RWDD2A: variants seen among roughly 807,000 people sequenced by gnomAD.
The protein encoded by RWDD2A is RWD domain containing 2A, also known as RWD domain-containing protein 2A.
RWDD2A carries 15 observed loss-of-function variants against 23.1 expected under a neutral mutation model. The ratio of observed to expected loss-of-function variants is 0.65; its 90% CI spans 0.43 to 1.00. The LOEUF is 1.00. Among genes scored for constraint, RWDD2A ranks in the 50% least tolerant of loss-of-function variants. The pLI is 0.00. For missense variants in RWDD2A, 310 were observed against 341.7 expected, an observed-to-expected ratio of 0.91 and a Z score of 0.73; for synonymous variants, 103 against 123.0, an observed-to-expected ratio of 0.84 and a Z score of 1.08.
Position 83,193,453 on chromosome 6 carries a change from C to T in RWDD2A, c.-141+10C>T, listed in dbSNP as rs1175529983. 1.3e-5 allele frequency: 2 copies of T among 152,278 alleles called. No individual in the cohort carries two copies. Among genetic ancestry groups the T allele is most frequent in the African/African-American group, 4.8e-5 (2 of 41,464 alleles). 9.4% of individuals were successfully genotyped at this position (152,278 alleles called of 1,614,324 possible). ...TGAGTGACCAGAAAGGGTGAGGCCCCCGCGGTGGCCCGGGGGTTGGGGCCG... is the reference window on the plus strand; with the variant it reads ...TGAGTGACCAGAAAGGGTGAGGCCCTCGCGGTGGCCCGGGGGTTGGGGCCG... On this transcript the variant is annotated intron_variant, in intron 1 of 2. Transcript: ENST00000369724.
intron 1 of RWDD2A, 27 bp from the exon 2 acceptor site, chr6:83,194,285 G>A (rs1789451390): frequency 9.8e-6 from 6 of 610,120 alleles, no homozygotes; most frequent in Non-Finnish European, 1.7e-5. Flanking sequence ...ATAAAGAAGA[G>A]TGCAAGTGTC....
At position 83,195,634 on chromosome 6, in the gene RWDD2A, C is replaced by T; in HGVS notation, c.241C>T (p.Pro81Ser). The change falls in exon 3 of 3, where the codon CCC (proline) becomes TCC (serine). Residue 81 changes from proline (P) to serine (S), a missense_variant. Pro to Ser is a moderately conservative substitution (Grantham distance 74). Transcript: ENST00000369724. Reference protein sequence around the residue: ...DLQVTMPHSYPYVALQLFGRS... With the variant: ...DLQVTMPHSYSYVALQLFGRS... ...GCAAGTGACCATGCCTCACAGCTAC[C>T]CCTATGTAGCATTGCAGCTGTTTGG... 6.2e-7 allele frequency: 1 copy of T among 1,613,952 alleles called. No homozygotes were observed. The highest frequency in any genetic ancestry group is 1.1e-5 in the South Asian group (1 of 91,068).
Position 83,196,204 on chromosome 6 carries a change from A to T in RWDD2A, c.811A>T (p.Lys271Ter). The change falls in exon 3 of 3, where the codon AAG becomes TAG. Residue 271 changes from lysine to a stop codon, truncating the protein, a stop_gained. Coordinates refer to ENST00000369724, the MANE Select transcript of RWDD2A (RefSeq NM_033411.5). LOFTEE classifies it high-confidence loss of function. ...TCTGGGCCAATTCTTAGAATTTCTC[A>T]AGAAGCACAAAAGTGAGCATGTTTT... ...MNLGQFLEFL[K>*]KHKSEHVFQI... is the part of the protein sequence containing the mutation. 1 of 1,605,846 alleles carries T rather than the reference A, an allele frequency of 6.2e-7. No individual in the cohort carries two copies. Among genetic ancestry groups the T allele is most frequent in the African/African-American group, 1.3e-5 (1 of 74,718 alleles).
rs914674885 is a variant in RWDD2A, at chr6:83,196,463, A to G, written c.*191A>G. 5 of 373,036 alleles carry G rather than the reference A, an allele frequency of 1.3e-5. No homozygotes were observed. Among genetic ancestry groups the G allele is most frequent in the South Asian group, 1.2e-4 (1 of 8,250 alleles). 23.1% of individuals were successfully genotyped at this position (373,036 alleles called of 1,614,324 possible). ...TAAACTTTATAACATTGCAATTGTG[A>G]TGTTATCTCTAGGTTTTTGTGTGAA... is the stretch of plus-strand genomic sequence containing the variant. On this transcript the variant is annotated 3_prime_UTR_variant, in exon 3 of 3. Transcript: ENST00000369724.
rs1372975536 is a variant in RWDD2A at position 83,196,940 on chromosome 6, C to A, written c.*668C>A. ...TAACCTCGTGATCTGCCTGCCTCGG[C>A]CTTCCAAAGTGCTGGGATTACAGGT... On this transcript the variant is annotated 3_prime_UTR_variant, in exon 3 of 3. Coordinates refer to ENST00000369724, the MANE Select transcript of RWDD2A (RefSeq NM_033411.5). 1 of 152,238 alleles carries A rather than the reference C, an allele frequency of 6.6e-6. No homozygotes were observed. Among genetic ancestry groups the A allele is most frequent in the African/African-American group, 2.4e-5 (1 of 41,442 alleles). The allele number at this position is 152,238 out of a possible 1,614,324, so 9.4% of individuals were successfully genotyped here.
Position 83,195,884 on chromosome 6 carries a change from A to G in RWDD2A, c.491A>G (p.His164Arg), listed in dbSNP as rs780750434. 1.2e-6 allele frequency: 2 copies of G among 1,614,208 alleles called. No individual in the cohort carries two copies. Among genetic ancestry groups the G allele is most frequent in the Admixed American group, 3.3e-5 (2 of 60,028 alleles). Residue 164 changes from histidine to arginine, a missense_variant, in exon 3 of 3, where the codon CAT becomes CGT. Physicochemically the swap from His to Arg is conservative, Grantham distance 29. Coordinates refer to ENST00000369724, the MANE Select transcript of RWDD2A (RefSeq NM_033411.5). Reference protein sequence around the residue: ...TFLRMWIYSHHIYQQDLRKKI... With the variant: ...TFLRMWIYSHRIYQQDLRKKI... ...CTCCGAATGTGGATCTACAGTCACC[A>G]TATATATCAGCAGGACCTAAGGAAA...
chr6:83,194,269 C>G, intron 1 of RWDD2A, 43 bp from the exon 2 acceptor site: 1 of 586,366 alleles, frequency 1.7e-6, no homozygotes, highest in South Asian at 2.2e-5. Flanking sequence ...ATTTTGGAGT[C>G]AGGAAATAAA....
intron 2 of RWDD2A, 90 bp from the exon 3 acceptor site, chr6:83,195,505 A>C: frequency 9.7e-7 from 1 of 1,032,560 alleles, no homozygotes; most frequent in South Asian, 1.6e-5. Flanking sequence ...TAATAGTAGC[A>C]ATAACATTTC....
chr6:83,194,533 G>A lies in RWDD2A; in HGVS notation c.82G>A (p.Glu28Lys), dbSNP rs1789474248. 1 of 1,614,080 alleles carries A rather than the reference G, an allele frequency of 6.2e-7. No individual in the cohort carries two copies. The highest frequency in any genetic ancestry group is 8.5e-7 in the Non-Finnish European group (1 of 1,179,994). ...MLFSMFPNQG[E>K]VKLEDVNALT... ...GTTTTCTATGTTTCCTAACCAAGGA[G>A]AAGTAAAACTTGAAGATGTAAATGC... Residue 28 changes from glutamate (E) to lysine (K), a missense_variant, in exon 2 of 3, where the codon GAA (glutamate) becomes AAA (lysine). Glu to Lys is a moderately conservative substitution (Grantham distance 56). Coordinates refer to ENST00000369724, the MANE Select transcript of RWDD2A (RefSeq NM_033411.5).
rs770777107 is a variant in RWDD2A, at chr6:83,194,656, G to C, written c.201+4G>C. 20 of 1,611,280 alleles carry C rather than the reference G, an allele frequency of 1.2e-5. No homozygotes were observed. In the Admixed American group the frequency reaches 2.7e-4, roughly 22 times the overall value. ...ACTCCAGATTGAAGAGCCCAAGGTA[G>C]GTACCCTGATTTAAGTGTTTGCCAG... is the stretch of plus-strand genomic sequence containing the variant. On this transcript the variant is annotated splice_donor_region_variant and intron_variant, in intron 2 of 2. Transcript: ENST00000369724.
At chr6:83,193,914 TGGG>T (rs16885957) in intron 1 of RWDD2A, 3 of 149,632 alleles carry the variant, frequency 2.0e-5, no homozygotes, top group African/African-American at 7.4e-5. Context: ...ACCGCGGTGT[TGGG>T]GGGGGGCGGT....
At position 83,197,780 on chromosome 6, in the gene RWDD2A, G is replaced by A. The variant is rs1789649950; in HGVS notation, c.*1508G>A. ...GATGCAGACGTGTCCTTGGGCTACA[G>A]AGAGGACATGATGGAGCAGGAGGCC... On this transcript the variant is annotated 3_prime_UTR_variant, in exon 3 of 3. Coordinates refer to ENST00000369724, the MANE Select transcript of RWDD2A (RefSeq NM_033411.5). The A allele has an allele frequency of 6.6e-6, 1 of 152,324 alleles. No homozygotes were observed. The highest frequency in any genetic ancestry group is 2.1e-4 in the South Asian group (1 of 4,832). 9.4% of individuals were successfully genotyped at this position (152,324 alleles called of 1,614,324 possible). A position where few individuals can be genotyped will look rare whatever the true frequency, so the allele number is the denominator to read the frequency against.
At chr6:83,194,121 C>G (rs1443476327) in intron 1 of RWDD2A, among the ~76,000 whole-genome samples, 191 bp from the exon 2 acceptor site, 1 of 152,048 alleles carries the variant, frequency 6.6e-6, no homozygotes, top group Admixed American at 6.6e-5. Flanking sequence ...CTGCCACCTG[C>G]AGCGGGACAG....
Position 83,194,576 on chromosome 6 carries a change from G to C in RWDD2A, c.125G>C (p.Arg42Thr), listed in dbSNP as rs1789476845. ...GTAAATGCCCTGACGAATATAAAGA[G>C]GTATTTGGAAGGCACAAGGGAGGCG... Reference protein sequence around the residue: ...EDVNALTNIKRYLEGTREALP... With the variant: ...EDVNALTNIKTYLEGTREALP... Residue 42 changes from arginine to threonine, a missense_variant, in exon 2 of 3, where the codon AGG (arginine) becomes ACG (threonine). Coordinates refer to ENST00000369724, the MANE Select transcript of RWDD2A (RefSeq NM_033411.5). The C allele has an allele frequency of 2.5e-6, 4 of 1,613,996 alleles. No homozygotes were observed. In the South Asian group the frequency reaches 3.3e-5, roughly 13 times the overall value.
chr6:83,194,706 C>T (rs1354277044), intron 2 of RWDD2A, 54 bp downstream of exon 2: 11 of 1,284,122 alleles, frequency 8.6e-6, no homozygotes, highest in Non-Finnish European at 1.2e-5. Flanking sequence ...ATTGAAACAT[C>T]TAGAACATGA....
intron 2 of RWDD2A, 56 bp downstream of exon 2, chr6:83,194,708 A>G (rs1283705421): frequency 8.0e-7 from 1 of 1,254,734 alleles, no homozygotes; most frequent in African/African-American, 1.5e-5. Flanking sequence ...TGAAACATCT[A>G]GAACATGAGC....
At chr6:83,193,480 G>C (rs1583308268) in intron 1 of RWDD2A, 37 bp downstream of exon 1, 1 of 152,368 alleles carries the variant, frequency 6.6e-6, no homozygotes, top group East Asian at 1.9e-4. Flanking sequence ...TTGGGGCCGA[G>C]GGTCGCGGGC....
Position 83,196,096 on chromosome 6 carries a change from G to T in RWDD2A, c.703G>T (p.Asp235Tyr). ...ESVETEGNGEDLRLFHSFEEL... is the reference protein window; with the variant it reads ...ESVETEGNGEYLRLFHSFEEL... ...CGTGGAGACAGAAGGAAATGGTGAG[G>T]ACCTGCGCCTTTTCCATTCTTTTGA... Residue 235 changes from aspartate to tyrosine, a missense_variant, in exon 3 of 3, where the codon GAC becomes TAC. Asp to Tyr is a radical substitution (Grantham distance 160, BLOSUM62 -3). Coordinates refer to ENST00000369724, the MANE Select transcript of RWDD2A (RefSeq NM_033411.5). The T allele has an allele frequency of 6.2e-7, 1 of 1,613,866 alleles. No individual in the cohort carries two copies. The highest frequency in any genetic ancestry group is 1.1e-5 in the South Asian group (1 of 90,996).
In RWDD2A at chr6:83,198,080, AAAC is replaced by A. The variant is rs2128520162; in HGVS notation, c.*1814_*1816del. The A allele has an allele frequency of 6.6e-6, 1 of 152,360 alleles. No homozygotes were observed. The highest frequency in any genetic ancestry group is 2.4e-5 in the African/African-American group (1 of 41,588). 9.4% of individuals were successfully genotyped at this position (152,360 alleles called of 1,614,324 possible). A position where few individuals can be genotyped will look rare whatever the true frequency, so the allele number is the denominator to read the frequency against. The stretch of plus-strand genomic sequence containing the variant: ...ACTTCTTAATGTTTGCCAGCACTAA[AAAC>A]AACAAAGTATAGGAATCTTTTTCCC... On this transcript the variant is annotated 3_prime_UTR_variant, in exon 3 of 3. Transcript: ENST00000369724.
Sources: gnomAD v4.1 joint callset for allele counts (sites outside exome capture counted in the v4.1 genomes callset) on GRCh38, gnomAD v4.1.1 for gene constraint, MANE v1.5 for transcripts, NCBI Gene and HGNC (gene_info 2026-07-23, HGNC 2026-07-21) for gene names.